The following MACF1 variants were observed in gnomAD, a reference collection of about 807,000 sequenced individuals.
The protein encoded by MACF1 is microtubule actin crosslinking factor 1.
MACF1 carries 193 observed loss-of-function variants against 854.8 expected under a neutral mutation model. That is an observed-to-expected ratio of 0.23 (90% CI 0.20 to 0.25). The LOEUF (loss-of-function observed/expected upper bound fraction) is 0.25. Ranked by LOEUF, MACF1 falls within the 10% of genes least tolerant of loss-of-function variation. The probability of loss-of-function intolerance (pLI) is 1.00; values close to 1 mark genes in which losing one functional copy is unlikely to be tolerated. For missense variants in MACF1, 7,722 were observed against 8,929.1 expected (o/e 0.86, Z 5.45); for synonymous variants, 3,185 against 3,226.7 (o/e 0.99, Z 0.44).
chr1:39,198,191 C>G (rs147948973), intron 2 of MACF1, among the ~76,000 whole-genome samples: 22 of 152,192 alleles, frequency 1.4e-4, no homozygotes, highest in Middle Eastern at 3.4e-3. Context: ...GAGTAAGACC[C>G]TGTCTCAAGA....
rs1194623828 is a variant in MACF1 at position 39,435,687 on chromosome 1, A to G, written c.17914A>G (p.Met5972Val). The G allele has an allele frequency of 3.1e-6, 5 of 1,614,162 alleles. No individual in the cohort carries two copies. The highest frequency in any genetic ancestry group is 4.2e-6 in the Non-Finnish European group (5 of 1,180,016). The change falls in exon 70 of 101, where the codon ATG (methionine) becomes GTG (valine). Residue 5972 changes from methionine to valine, a missense_variant. Around this residue, in one of 15 missense-constraint regions of MACF1, gnomAD observed 2,807 missense variants for 3,235.8 expected, o/e 0.87. Coordinates refer to ENST00000564288, the MANE Select transcript of MACF1 (RefSeq NM_001394062.1). Reference protein sequence around the residue: ...VEEKYQKAENMYAQIKEEVRQ... With the variant: ...VEEKYQKAENVYAQIKEEVRQ... ...AGAAAAATACCAGAAAGCAGAAAAC[A>G]TGTATGCCCAAATAAAGGAGGAGGT... is the stretch of plus-strand genomic sequence containing the variant.
chr1:39,412,352 A>G (rs775189974), intron 58 of MACF1: 1 of 1,614,064 alleles, frequency 6.2e-7, no homozygotes, highest in Non-Finnish European at 8.5e-7. Flanking sequence ...CAAGAAAATA[A>G]CAGTCTGACA....
intron 2 of MACF1, among the ~76,000 whole-genome samples, chr1:39,118,369 G>C (rs926889132): frequency 1.3e-5 from 2 of 152,236 alleles, no homozygotes; most frequent in African/African-American, 4.8e-5. Context: ...TTCCCAAATG[G>C]AAAACAGGGA....
At chr1:39,363,040 AC>A (rs1648344808) in intron 49 of MACF1, among the ~76,000 whole-genome samples, 1 of 152,158 alleles carries the variant, frequency 6.6e-6, no homozygotes, top group Admixed American at 6.5e-5. Context: ...CCAATAACAA[AC>A]CTGCTAAATA....
At position 39,453,809 on chromosome 1, in the gene MACF1, A is replaced by G; in HGVS notation, c.20845A>G (p.Ile6949Val). The G allele has an allele frequency of 1.9e-6, 3 of 1,614,224 alleles. No individual in the cohort carries two copies. Among genetic ancestry groups the G allele is most frequent in the Non-Finnish European group, 2.5e-6 (3 of 1,180,024 alleles). Residue 6949 changes from isoleucine to valine, a missense_variant, in exon 88 of 101, where the codon ATC becomes GTC. By Grantham distance (29) the Ile-to-Val change is conservative (BLOSUM62 3). Around this residue, in one of 15 missense-constraint regions of MACF1, gnomAD observed 729 missense variants for 900.5 expected, o/e 0.81. Coordinates refer to ENST00000564288, the MANE Select transcript of MACF1 (RefSeq NM_001394062.1). ...CTGCCACCCCGATTGCATCACAACCATCAAACACTGGATCACCATCATCCG... is the reference window on the plus strand; with the variant it reads ...CTGCCACCCCGATTGCATCACAACCGTCAAACACTGGATCACCATCATCCG... ...AVCHPDCITT[I>V]KHWITIIRAR... is the part of the protein sequence containing the mutation.
Position 39,411,183 on chromosome 1 carries a change from C to T in MACF1, c.15817-11191C>T, listed in dbSNP as rs368585443. On this transcript the variant is annotated intron_variant, in intron 58 of 100. Coordinates refer to ENST00000564288, the MANE Select transcript of MACF1 (RefSeq NM_001394062.1). ...TGTTAGATCCAGAATTGCATGTTCT[C>T]ATAACCCCCAGCCTGAGAGAGAAAA... 7.4e-6 allele frequency: 12 copies of T among 1,613,622 alleles called. No individual in the cohort carries two copies. In the African/African-American group the frequency reaches 1.5e-4, roughly 20 times the overall value.
intron 66 of MACF1, among the ~76,000 whole-genome samples, chr1:39,432,055 T>C (rs546667285): frequency 5.3e-5 from 8 of 152,344 alleles, no homozygotes; most frequent in Non-Finnish European, 1.2e-4. Flanking sequence ...TGGTTTTCGT[T>C]ATTACATAAC....
At chr1:39,353,320 G>A in intron 44 of MACF1, 89 bp downstream of exon 44, 2 of 945,180 alleles carry the variant, frequency 2.1e-6, no homozygotes, top group Non-Finnish European at 3.2e-6. Context: ...TAAATCCAGT[G>A]AGCACTTCTC....
At chr1:39,439,129 A>G in intron 71 of MACF1, 145 bp from the exon 72 acceptor site, 1 of 516,446 alleles carries the variant, frequency 1.9e-6, no homozygotes, top group Non-Finnish European at 3.5e-6. Flanking sequence ...ACTAAAATAG[A>G]AAATTATCCT....
chr1:39,239,687 G>C (rs1260036822), intron 2 of MACF1, among the ~76,000 whole-genome samples: 1 of 152,162 alleles, frequency 6.6e-6, no homozygotes, highest in Non-Finnish European at 1.5e-5. Flanking sequence ...TTAGGAGGGA[G>C]AAAAATGCTT....
chr1:39,450,057 T>C (rs965126778), intron 84 of MACF1, among the ~76,000 whole-genome samples: 9 of 151,436 alleles, frequency 5.9e-5, no homozygotes, highest in Admixed American at 5.9e-4. Context: ...AGAGACGGGG[T>C]TTCACCATAT....
At chr1:39,101,350 C>T (rs1642069531) in intron 2 of MACF1, among the ~76,000 whole-genome samples, 1 of 85,292 alleles carries the variant, frequency 1.2e-5, no homozygotes, top group Non-Finnish European at 2.3e-5. Context: ...GAGCCAGACT[C>T]TGTCTCAAAA....
intron 2 of MACF1, among the ~76,000 whole-genome samples, chr1:39,140,847 G>A (rs1355332627): frequency 1.3e-5 from 2 of 149,196 alleles, no homozygotes; most frequent in Non-Finnish European, 3.0e-5. Context: ...CCCAGGAGGC[G>A]GAGGTTGCAG....
chr1:39,305,879 A>G (rs896174991), intron 23 of MACF1, among the ~76,000 whole-genome samples: 3 of 151,676 alleles, frequency 2.0e-5, no homozygotes, highest in African/African-American at 7.3e-5. Flanking sequence ...TTATCTTAGA[A>G]CCCTCATGGA....
intron 97 of MACF1, among the ~76,000 whole-genome samples, chr1:39,479,323 T>C (rs1174092474): frequency 6.6e-6 from 1 of 152,236 alleles, no homozygotes; most frequent in African/African-American, 2.4e-5. Context: ...GGATTGTTAC[T>C]GACTGAATTC....
At chr1:39,296,471 T>G (rs2148406903) in intron 20 of MACF1, among the ~76,000 whole-genome samples, 1 of 152,036 alleles carries the variant, frequency 6.6e-6, no homozygotes, top group South Asian at 2.1e-4. Context: ...GGCTCACACC[T>G]GTAGTCTTAG....
chr1:39,121,441 T>C (rs2148158157), intron 2 of MACF1, among the ~76,000 whole-genome samples: 1 of 150,828 alleles, frequency 6.6e-6, no homozygotes, highest in Non-Finnish European at 1.5e-5. Context: ...TTTGTTTTAT[T>C]TTATTTATTT....
chr1:39,093,978 C>T (rs932711783), intron 2 of MACF1, among the ~76,000 whole-genome samples: 13 of 151,784 alleles, frequency 8.6e-5, no homozygotes, highest in African/African-American at 2.4e-4. Context: ...GGGGTTTCAC[C>T]GCGTTGGCCA....
At chr1:39,114,271 C>T (rs970756225) in intron 2 of MACF1, among the ~76,000 whole-genome samples, 20 of 151,536 alleles carry the variant, frequency 1.3e-4, no homozygotes, top group Non-Finnish European at 5.9e-5. Flanking sequence ...GTTGGCTTCC[C>T]TGGTGGTCTA....
Sources: allele counts gnomAD v4.1 joint callset (sites outside exome capture counted in the v4.1 genomes callset), GRCh38; gene constraint gnomAD v4.1.1; regional missense constraint gnomAD v4.1.1; transcripts MANE v1.5; gene names NCBI Gene and HGNC (gene_info 2026-07-23, HGNC 2026-07-21).